INPP4B: variants seen among roughly 807,000 people sequenced by gnomAD.
The protein encoded by INPP4B is inositol polyphosphate 4-phosphatase type II.
Under a neutral mutation model 122.5 loss-of-function variants are expected in INPP4B, and 55 were observed. The ratio of observed to expected loss-of-function variants is 0.45; its 90% confidence interval spans 0.36 to 0.56. The LOEUF is 0.56. Ranked by LOEUF, INPP4B falls within the 20% of genes least tolerant of loss-of-function variation. INPP4B has a pLI of 0.00. For synonymous variants in INPP4B, 403 were observed against 388.7 expected (o/e 1.04, Z -0.43); for missense variants, 1,000 against 1,097.7 (o/e 0.91, Z 1.26).
At position 142,504,999 on chromosome 4, in the gene INPP4B, T is replaced by C. The variant is rs149401238; in HGVS notation, c.-190-42273A>G. Among the ~76,000 whole-genome samples, 516 of 152,114 alleles carry C rather than the reference T, an allele frequency of 3.4e-3. 6 individuals carry two copies. Among genetic ancestry groups the C allele is most frequent in the African/African-American group, 0.012 (480 of 41,510 alleles). ...TAGGAAAAATACTGTATTAAAAAAC[T>C]GATACTCAGGAGTCTGAGGTGCGAG... On this transcript the variant is annotated intron_variant, in intron 2 of 25. Transcript: ENST00000262992.
At chr4:142,410,279 G>T (rs1041330362) in intron 5 of INPP4B, among the ~76,000 whole-genome samples, 1 of 152,202 alleles carries the variant, frequency 6.6e-6, no homozygotes, top group Admixed American at 6.5e-5. Flanking sequence ...AGGCTTTCAC[G>T]AGAGTGGTGG....
chr4:142,733,142 G>T (rs1766338502), intron 1 of INPP4B, among the ~76,000 whole-genome samples: 1 of 152,070 alleles, frequency 6.6e-6, no homozygotes, highest in African/African-American at 2.4e-5. Context: ...AGTGGATCCT[G>T]ACTCCTACAT....
rs540957333 is a variant in INPP4B at position 142,334,811 on chromosome 4, G to GT, written c.373-20050dup. Among the ~76,000 whole-genome samples the GT allele has an allele frequency of 8.6e-5, 13 of 151,938 alleles. No individual in the cohort carries two copies. The East Asian group carries it at 2.3e-3, about 27-fold the overall frequency. ...TTGAACTGAATTATTTGTTGTTGTT[G>GT]TTTTTTATTTTTTATTGTTTTGCTA... On this transcript the variant is annotated intron_variant, in intron 7 of 25. Coordinates refer to ENST00000262992, the MANE Select transcript of INPP4B (RefSeq NM_001101669.3).
At chr4:142,629,576 T>C (rs1030486710) in intron 2 of INPP4B, among the ~76,000 whole-genome samples, 7 of 152,000 alleles carry the variant, frequency 4.6e-5, no homozygotes, top group African/African-American at 1.7e-4. Flanking sequence ...GCTGGGTCTT[T>C]ACAATATTTA....
At chr4:142,174,685 C>T (rs1430550010) in intron 15 of INPP4B, among the ~76,000 whole-genome samples, 1 of 151,884 alleles carries the variant, frequency 6.6e-6, no homozygotes, top group African/African-American at 2.4e-5. Flanking sequence ...AGTACAGTGG[C>T]ACAATCAGAG....
At chr4:142,361,445 T>C (rs915305407) in intron 7 of INPP4B, among the ~76,000 whole-genome samples, 3 of 151,982 alleles carry the variant, frequency 2.0e-5, no homozygotes, top group African/African-American at 7.2e-5. Flanking sequence ...TTACTTGTAA[T>C]AATCCAAATT....
intron 2 of INPP4B, among the ~76,000 whole-genome samples, chr4:142,527,430 T>A (rs1205760200): frequency 6.6e-6 from 1 of 152,042 alleles, no homozygotes; most frequent in African/African-American, 2.4e-5. Flanking sequence ...GCAGAAAGCA[T>A]TAGCAGCAAG....
intron 2 of INPP4B, among the ~76,000 whole-genome samples, chr4:142,599,994 G>T (rs895112980): frequency 6.6e-6 from 1 of 151,804 alleles, no homozygotes; most frequent in Non-Finnish European, 1.5e-5. Context: ...AGAATAAAAA[G>T]AATGAACAAA....
chr4:142,519,247 T>A (rs146674877), intron 2 of INPP4B, among the ~76,000 whole-genome samples: 46 of 152,262 alleles, frequency 3.0e-4, no homozygotes, highest in African/African-American at 1.1e-3. Flanking sequence ...TTGCTATACC[T>A]GCATACATAA....
chr4:142,739,188 G>A (rs1767530185), intron 1 of INPP4B, among the ~76,000 whole-genome samples: 1 of 152,008 alleles, frequency 6.6e-6, no homozygotes, highest in African/African-American at 2.4e-5. Flanking sequence ...TTTAAATTAA[G>A]GCAAAATTCT....
At chr4:142,812,563 C>T (rs60814365) in intron 1 of INPP4B, among the ~76,000 whole-genome samples, 2,149 of 151,976 alleles carry the variant, frequency 0.014, 62 homozygotes, top group African/African-American at 0.049. Context: ...GACATAAGCA[C>T]GTGCTATTCA....
At chr4:142,826,155 A>T (rs1330270230) in intron 1 of INPP4B, among the ~76,000 whole-genome samples, 1 of 152,144 alleles carries the variant, frequency 6.6e-6, no homozygotes, top group Non-Finnish European at 1.5e-5. Context: ...AACGGTAATC[A>T]CATCTTTCTT....
At chr4:142,331,388 T>C (rs1204551566) in intron 7 of INPP4B, among the ~76,000 whole-genome samples, 2 of 152,122 alleles carry the variant, frequency 1.3e-5, no homozygotes, top group Non-Finnish European at 2.9e-5. Flanking sequence ...ATGGAAGTGT[T>C]TGGGACCCAG....
chr4:142,647,668 G>T (rs898692545), intron 2 of INPP4B, among the ~76,000 whole-genome samples: 1 of 152,146 alleles, frequency 6.6e-6, no homozygotes, highest in Admixed American at 6.5e-5. Flanking sequence ...AGCTAAAAGG[G>T]CATGAACATT....
At chr4:142,088,159 T>C (rs1777736223) in intron 23 of INPP4B, among the ~76,000 whole-genome samples, 1 of 152,132 alleles carries the variant, frequency 6.6e-6, no homozygotes. Context: ...AGCCCAAAGA[T>C]AGCCTAAAGA....
At chr4:142,071,602 A>G (rs1175253211) in intron 25 of INPP4B, among the ~76,000 whole-genome samples, 1 of 152,238 alleles carries the variant, frequency 6.6e-6, no homozygotes, top group Non-Finnish European at 1.5e-5. Flanking sequence ...CAAAGGGCTA[A>G]TATCCAGAAT....
At chr4:142,788,593 T>C (rs1776078193) in intron 1 of INPP4B, among the ~76,000 whole-genome samples, 1 of 152,072 alleles carries the variant, frequency 6.6e-6, no homozygotes, top group African/African-American at 2.4e-5. Flanking sequence ...CTGCACACAA[T>C]TTGTAGTCTT....
chr4:142,447,383 G>T (rs1166218130), intron 3 of INPP4B, among the ~76,000 whole-genome samples: 2 of 152,160 alleles, frequency 1.3e-5, no homozygotes, highest in Non-Finnish European at 2.9e-5. Flanking sequence ...TGACCAAAGG[G>T]TCTCTAGGCT....
chr4:142,784,415 T>G (rs1178086390), intron 1 of INPP4B, among the ~76,000 whole-genome samples: 4 of 136,370 alleles, frequency 2.9e-5, no homozygotes, highest in African/African-American at 5.3e-5. Context: ...AAATAAAAAT[T>G]AAAATCAAGG....
Sources: gnomAD v4.1 joint callset for allele counts (sites outside exome capture counted in the v4.1 genomes callset) on GRCh38, gnomAD v4.1.1 for gene constraint, MANE v1.5 for transcripts, NCBI Gene and HGNC (gene_info 2026-07-23, HGNC 2026-07-21) for gene names.